The following MBTD1 variants were observed in gnomAD, a reference collection of about 807,000 sequenced individuals.
MBTD1 encodes mbt domain containing 1.
In MBTD1, 24 loss-of-function variants were observed where a neutral mutation model predicts 87.8. The ratio of observed to expected loss-of-function variants is 0.27; its 90% confidence interval spans 0.20 to 0.38. MBTD1 has a LOEUF of 0.38. Ranked by LOEUF, MBTD1 falls within the 10% of genes least tolerant of loss-of-function variation. The probability of loss-of-function intolerance (pLI) is 1.00; values close to 1 mark genes in which losing one functional copy is unlikely to be tolerated. For synonymous variants in MBTD1, 237 were observed against 248.6 expected, an observed-to-expected ratio of 0.95 and a Z score of 0.44; for missense variants, 436 against 760.2, an observed-to-expected ratio of 0.57 and a Z score of 5.02.
intron 12 of MBTD1, among the ~76,000 whole-genome samples, chr17:51,196,247 CAG>C (rs1458014003): frequency 6.4e-5 from 9 of 140,418 alleles, no homozygotes; most frequent in Non-Finnish European, 1.5e-5. Context: ...TTTTTTGAGA[CAG>C]AGTTTCCCTC....
intron 6 of MBTD1, among the ~76,000 whole-genome samples, chr17:51,216,652 G>A (rs922501648): frequency 2.0e-5 from 3 of 152,120 alleles, no homozygotes; most frequent in Admixed American, 6.5e-5. Context: ...AGTTCAAATT[G>A]CAGATTTAAG....
At position 51,220,266 on chromosome 17, in the gene MBTD1, G is replaced by T. The variant is rs930319036; in HGVS notation, c.288+64C>A. 27 of 1,452,920 alleles carry T rather than the reference G, an allele frequency of 1.9e-5. No individual in the cohort carries two copies. In the African/African-American group the frequency reaches 3.7e-4, roughly 20 times the overall value. The allele number at this position is 1,452,920 out of a possible 1,614,324, so 90.0% of individuals were successfully genotyped here. Reference sequence around the variant, plus strand: ...GGAGTACAGTGAATCACAGTCAAATGACAGATAAATGGCAAAAGCCATAGA... The same window carrying T: ...GGAGTACAGTGAATCACAGTCAAATTACAGATAAATGGCAAAAGCCATAGA... On this transcript the variant is annotated intron_variant, in intron 4 of 16. Transcript: ENST00000586178.
chr17:51,186,105 C>G (rs1430974751), intron 16 of MBTD1: 1 of 152,516 alleles, frequency 6.6e-6, no homozygotes, highest in East Asian at 1.9e-4. Context: ...TGGAAGGGTT[C>G]GATATGGAGG....
Position 51,195,210 on chromosome 17 carries a change from G to A in MBTD1, c.1372+4C>T. 1 of 1,605,754 alleles carries A rather than the reference G, an allele frequency of 6.2e-7. No individual in the cohort carries two copies. Among genetic ancestry groups the A allele is most frequent in the Non-Finnish European group, 8.5e-7 (1 of 1,177,446 alleles). On this transcript the variant is annotated splice_donor_region_variant and intron_variant, in intron 13 of 16. Transcript: ENST00000586178. ...AACCCAGTGTTTATATTAGGATGAA[G>A]TACCTCTGGGTGGAGTAAGTTCAAT...
chr17:51,205,220 A>G (rs1447866452), intron 7 of MBTD1, among the ~76,000 whole-genome samples: 2 of 152,238 alleles, frequency 1.3e-5, no homozygotes, highest in Non-Finnish European at 2.9e-5. Context: ...TTAAAATTCA[A>G]TAATTTCTCA....
chr17:51,260,872 C>G (rs1247585898), upstream of MBTD1: 2 of 1,601,438 alleles, frequency 1.2e-6, no homozygotes, highest in Admixed American at 3.4e-5. Context: ...AGCTGGTCTT[C>G]GGCGACGTCG....
At position 51,194,566 on chromosome 17, in the gene MBTD1, C is replaced by CAAAAAA. The variant is rs71355733; in HGVS notation, c.1372+642_1372+647dup. Among the ~76,000 whole-genome samples, 27 of 19,734 alleles carry CAAAAAA rather than the reference C, an allele frequency of 1.4e-3. 6 individuals are homozygous for CAAAAAA. Among genetic ancestry groups the CAAAAAA allele is most frequent in the African/African-American group, 2.1e-3 (8 of 3,804 alleles). The allele number at this position is 19,734 out of a possible 152,430, so 12.9% of individuals were successfully genotyped here. A position where few individuals can be genotyped will look rare whatever the true frequency, so the allele number is the denominator to read the frequency against. On this transcript the variant is annotated intron_variant, in intron 13 of 16. Coordinates refer to ENST00000586178, the MANE Select transcript of MBTD1 (RefSeq NM_017643.3). ...CCTGGGTGACAGAGCGAGACTGTCT[C>CAAAAAA]AAAAAAAAAAAAAAAAAAAAAAAAA... is the stretch of plus-strand genomic sequence containing the variant.
chr17:51,198,665 T>C (rs2051279522), intron 12 of MBTD1, among the ~76,000 whole-genome samples: 1 of 152,222 alleles, frequency 6.6e-6, no homozygotes. Flanking sequence ...TGTTGTCACA[T>C]GGGTGGGATC....
intron 2 of MBTD1, among the ~76,000 whole-genome samples, chr17:51,244,328 T>C (rs1472998986): frequency 3.9e-5 from 6 of 152,236 alleles, no homozygotes; most frequent in African/African-American, 1.4e-4. Context: ...TCTATTTTTT[T>C]CCCAGTGGTT....
chr17:51,195,150 A>C (rs1598300196), intron 13 of MBTD1, 64 bp downstream of exon 13: 2 of 1,487,288 alleles, frequency 1.3e-6, no homozygotes, highest in South Asian at 2.5e-5. Flanking sequence ...TAAATGTTGT[A>C]AACAAAAACC....
intron 16 of MBTD1, chr17:51,183,377 G>A (rs1225707300): frequency 1.3e-5 from 2 of 151,546 alleles, no homozygotes; most frequent in African/African-American, 4.8e-5. Context: ...TCCTCATTTT[G>A]GCCAGCTGGT....
In MBTD1 at chr17:51,178,346, A is replaced by G. The variant is rs2050171575; in HGVS notation, c.*2230T>C. ...GTTGGTCACGGGATCAAGACAAGAA[A>G]CACTTCATGAATTAGGAAATTCTAA... is the stretch of plus-strand genomic sequence containing the variant. On this transcript the variant is annotated 3_prime_UTR_variant, in exon 17 of 17. Coordinates refer to ENST00000586178, the MANE Select transcript of MBTD1 (RefSeq NM_017643.3). 6.6e-6 allele frequency: 1 copy of G among 152,222 alleles called. No individual in the cohort carries two copies. The highest frequency in any genetic ancestry group is 1.5e-5 in the Non-Finnish European group (1 of 68,044). 9.4% of individuals were successfully genotyped at this position (152,222 alleles called of 1,614,324 possible). A position where few individuals can be genotyped will look rare whatever the true frequency, so the allele number is the denominator to read the frequency against.
Position 51,178,001 on chromosome 17 carries a change from T to G in MBTD1, c.*2575A>C, listed in dbSNP as rs969669129. 6.6e-6 allele frequency: 1 copy of G among 152,142 alleles called. No individual in the cohort carries two copies. The highest frequency in any genetic ancestry group is 1.5e-5 in the Non-Finnish European group (1 of 68,026). 9.4% of individuals were successfully genotyped at this position (152,142 alleles called of 1,614,324 possible). On this transcript the variant is annotated 3_prime_UTR_variant, in exon 17 of 17. Coordinates refer to ENST00000586178, the MANE Select transcript of MBTD1 (RefSeq NM_017643.3). ...GAAAACCCGTGTTAGTATCGTAGAA[T>G]AAGAAGTTGATAACAGCTTTAGCTT...
At chr17:51,211,461 C>T (rs984040859) in intron 6 of MBTD1, among the ~76,000 whole-genome samples, 5 of 148,974 alleles carry the variant, frequency 3.4e-5, no homozygotes, top group Non-Finnish European at 5.9e-5. Flanking sequence ...GAGCTGTAAT[C>T]GTGCTACTGG....
intron 2 of MBTD1, among the ~76,000 whole-genome samples, chr17:51,242,276 A>AGG (rs2054201407): frequency 2.6e-5 from 4 of 152,010 alleles, no homozygotes; most frequent in Non-Finnish European, 5.9e-5. Context: ...TAAATCCCCA[A>AGG]CTCCAAGCCA....
intron 16 of MBTD1, among the ~76,000 whole-genome samples, chr17:51,189,659 G>A (rs1165627757): frequency 6.6e-6 from 1 of 152,148 alleles, no homozygotes; most frequent in Non-Finnish European, 1.5e-5. Context: ...TAGCCACTGA[G>A]TAATAAAAAC....
At chr17:51,214,914 T>A (rs1444234938) in intron 6 of MBTD1, among the ~76,000 whole-genome samples, 4 of 152,154 alleles carry the variant, frequency 2.6e-5, no homozygotes, top group Non-Finnish European at 5.9e-5. Context: ...TAACTCTCCT[T>A]AGAGACCCAG....
At chr17:51,205,728 A>G (rs118108332) in intron 7 of MBTD1, among the ~76,000 whole-genome samples, 923 of 152,350 alleles carry the variant, frequency 6.1e-3, no homozygotes, top group Admixed American at 9.9e-3. Context: ...TATATGGTGC[A>G]ACTCATCAAT....
chr17:51,194,566 CAAAAAAAAAAAAAAAAAAAAA>C lies in MBTD1; in HGVS notation c.1372+627_1372+647del, dbSNP rs71355733. Among the ~76,000 whole-genome samples the C allele has an allele frequency of 1.4e-3, 28 of 19,734 alleles. No homozygotes were observed. The Middle Eastern group carries it at 0.15, about 108-fold the overall frequency. The allele number at this position is 19,734 out of a possible 152,430, so 12.9% of individuals were successfully genotyped here. Reference sequence around the variant, plus strand: ...CCTGGGTGACAGAGCGAGACTGTCTCAAAAAAAAAAAAAAAAAAAAAAAAAAGTCCACATGGCTAAGTGTGG... The same window carrying C: ...CCTGGGTGACAGAGCGAGACTGTCTCAAAAAGTCCACATGGCTAAGTGTGG... On this transcript the variant is annotated intron_variant, in intron 13 of 16. Coordinates refer to ENST00000586178, the MANE Select transcript of MBTD1 (RefSeq NM_017643.3).
Sources: allele counts gnomAD v4.1 joint callset (sites outside exome capture counted in the v4.1 genomes callset), GRCh38; gene constraint gnomAD v4.1.1; transcripts MANE v1.5; gene names NCBI Gene and HGNC (gene_info 2026-07-23, HGNC 2026-07-21).